Variants in PACSIN1 observed in about 807,000 individuals in gnomAD.
PACSIN1 encodes the protein protein kinase C and casein kinase substrate in neurons protein 1.
PACSIN1 carries 15 observed loss-of-function variants against 59.5 expected under a neutral mutation model. That is an observed-to-expected ratio of 0.25 (90% CI 0.17 to 0.39). PACSIN1 has a LOEUF of 0.39. Ranked by LOEUF, PACSIN1 falls within the 10% of genes least tolerant of loss-of-function variation. The pLI, the probability that PACSIN1 is intolerant of heterozygous loss-of-function variation, is 1.00. For missense variants in PACSIN1, 420 were observed against 580.2 expected, an observed-to-expected ratio of 0.72 and a Z score of 2.84; for synonymous variants, 210 against 220.6, an observed-to-expected ratio of 0.95 and a Z score of 0.42.
At position 34,526,333 on chromosome 6, in the gene PACSIN1, C is replaced by G; in HGVS notation, c.28C>G (p.Leu10Val). Reference sequence around the variant, plus strand: ...GTCCAGCTCCTACGATGAGGCCTCACTGGCGCCAGAGGAGACCACCGACAG... The same window carrying G: ...GTCCAGCTCCTACGATGAGGCCTCAGTGGCGCCAGAGGAGACCACCGACAG... MSSSYDEAS[L>V]APEETTDSFW... Residue 10 changes from leucine (L) to valine (V), a missense_variant, in exon 2 of 10, where the codon CTG becomes GTG. Physicochemically the swap from Leu to Val is conservative, Grantham distance 32. Coordinates refer to ENST00000244458, the MANE Select transcript of PACSIN1 (RefSeq NM_020804.5). 3 of 1,612,354 alleles carry G rather than the reference C, an allele frequency of 1.9e-6. No individual in the cohort carries two copies. The highest frequency in any genetic ancestry group is 2.5e-6 in the Non-Finnish European group (3 of 1,179,912).
intron 1 of PACSIN1, among the ~76,000 whole-genome samples, chr6:34,524,897 C>T (rs556370922): frequency 3.2e-4 from 48 of 152,376 alleles, no homozygotes; most frequent in Admixed American, 4.6e-4. Context: ...TGCCCGCCCC[C>T]CAGCAGCCCC....
chr6:34,496,927 C>G (rs1359692242), intron 1 of PACSIN1, among the ~76,000 whole-genome samples: 2 of 138,690 alleles, frequency 1.4e-5, no homozygotes, highest in Non-Finnish European at 3.0e-5. Flanking sequence ...ATATGCATCT[C>G]TTTCTCTCTC....
chr6:34,520,028 G>T (rs1028612670), intron 1 of PACSIN1, among the ~76,000 whole-genome samples: 11 of 152,134 alleles, frequency 7.2e-5, no homozygotes, highest in African/African-American at 2.7e-4. Flanking sequence ...AGACTTCTTG[G>T]AGGGACAGGG....
chr6:34,468,452 C>T (rs1766527422), intron 1 of PACSIN1, among the ~76,000 whole-genome samples: 1 of 152,202 alleles, frequency 6.6e-6, no homozygotes, highest in Non-Finnish European at 1.5e-5. Context: ...CACAATGGCT[C>T]GCATTGCTAT....
chr6:34,483,740 G>C (rs1295602562), intron 1 of PACSIN1, among the ~76,000 whole-genome samples: 1 of 145,262 alleles, frequency 6.9e-6, no homozygotes, highest in African/African-American at 2.6e-5. Context: ...CCGCCTCCCG[G>C]GTTCACATGA....
intron 1 of PACSIN1, among the ~76,000 whole-genome samples, chr6:34,503,124 C>T (rs967707791): frequency 1.1e-4 from 16 of 152,088 alleles, no homozygotes; most frequent in African/African-American, 3.6e-4. Flanking sequence ...AAAAATTAGC[C>T]CGGCATGGTG....
Position 34,529,263 on chromosome 6 carries a change from C to T in PACSIN1, c.457-134C>T. The T allele has an allele frequency of 1.1e-6, 1 of 912,934 alleles. No individual in the cohort carries two copies. The highest frequency in any genetic ancestry group is 1.7e-5 in the African/African-American group (1 of 59,990). 56.6% of individuals were successfully genotyped at this position (912,934 alleles called of 1,614,324 possible). A position where few individuals can be genotyped will look rare whatever the true frequency, so the allele number is the denominator to read the frequency against. On this transcript the variant is annotated intron_variant, in intron 4 of 9. Transcript: ENST00000244458. The surrounding 1 kb of genome is among the most constrained non-coding windows in gnomAD (Gnocchi z 6.3). ...TGCTCCCGAACACCTGGAGCCAGGG[C>T]CTGCATCCCTTCTGGCTCTTAAGAG...
rs1224408869 is a variant in PACSIN1 at position 34,530,500 on chromosome 6, A to T, written c.950A>T (p.Glu317Val). Residue 317 changes from glutamate to valine, a missense_variant, in exon 8 of 10, where the codon GAG (glutamate) becomes GTG (valine). Glu to Val is a moderately radical substitution (Grantham distance 121, BLOSUM62 -2). Transcript: ENST00000244458. This position sits in a 1 kb window ranked among gnomAD's most constrained non-coding sequence, Gnocchi z 4.4. Reference sequence around the variant, plus strand: ...CTTCCTCACACCACCACCAAGAAGGAGAAACAGCCTAAGAAGGCAGAGGGA... The same window carrying T: ...CTTCCTCACACCACCACCAAGAAGGTGAAACAGCCTAAGAAGGCAGAGGGA... The part of the protein sequence containing the change: ...PDLPHTTTKK[E>V]KQPKKAEGVA... 1 of 1,608,890 alleles carries T rather than the reference A, an allele frequency of 6.2e-7. No individual in the cohort carries two copies. Among genetic ancestry groups the T allele is most frequent in the Admixed American group, 1.7e-5 (1 of 58,840 alleles).
In PACSIN1 at chr6:34,488,779, T is replaced by C. The variant is rs1223748624; in HGVS notation, c.-64+22509T>C. 6.6e-6 allele frequency among the ~76,000 whole-genome samples: 1 copy of C among 152,180 alleles called. No individual in the cohort carries two copies. Among genetic ancestry groups the C allele is most frequent in the East Asian group, 1.9e-4 (1 of 5,194 alleles). ...ATTGATTTGTTGCCCAGGCTGGTCT[T>C]GAGCTCCTGGGCTCAAGCAATCCTC... On this transcript the variant is annotated intron_variant, in intron 1 of 9. Coordinates refer to ENST00000244458, the MANE Select transcript of PACSIN1 (RefSeq NM_020804.5). This position sits in a 1 kb window ranked among gnomAD's most constrained non-coding sequence, Gnocchi z 4.7.
intron 1 of PACSIN1, among the ~76,000 whole-genome samples, chr6:34,505,119 CA>C (rs1465821940): frequency 6.6e-6 from 1 of 152,030 alleles, no homozygotes; most frequent in Non-Finnish European, 1.5e-5. Context: ...CTCAGCCTCC[CA>C]AATAGTCAGG....
rs1409904988 is a variant in PACSIN1 at position 34,515,711 on chromosome 6, C to A, written c.-63-10532C>A. Among the ~76,000 whole-genome samples, 5 of 152,326 alleles carry A rather than the reference C, an allele frequency of 3.3e-5. No homozygotes were observed. The East Asian group carries it at 7.7e-4, about 24-fold the overall frequency. ...AAAGGACCCCCATGCCCATCCCCAGCAAGCCCAGGGTCTCCAAGTTGGGGT... is the reference window on the plus strand; with the variant it reads ...AAAGGACCCCCATGCCCATCCCCAGAAAGCCCAGGGTCTCCAAGTTGGGGT... On this transcript the variant is annotated intron_variant, in intron 1 of 9. Coordinates refer to ENST00000244458, the MANE Select transcript of PACSIN1 (RefSeq NM_020804.5). This position sits in a 1 kb window ranked among gnomAD's most constrained non-coding sequence, Gnocchi z 4.4.
chr6:34,527,181 C>CGGGGCGGGGGGCG lies in PACSIN1; in HGVS notation c.64-140_64-128dup, dbSNP rs971772179. 1.0e-5 allele frequency: 7 copies of CGGGGCGGGGGGCG among 672,534 alleles called. No homozygotes were observed. The African/African-American group carries it at 4.1e-4, about 39-fold the overall frequency. 41.7% of individuals were successfully genotyped at this position (672,534 alleles called of 1,614,324 possible). Reference sequence around the variant, plus strand: ...TCCCTGGGGTGTTGCCGCTGCGCCGCGGGGCGGGGGGCGGGGGCGGGGGCG... The same window carrying CGGGGCGGGGGGCG: ...TCCCTGGGGTGTTGCCGCTGCGCCGCGGGGCGGGGGGCGGGGGCGGGGGGCGGGGGCGGGGGCG... On this transcript the variant is annotated intron_variant, in intron 2 of 9. Coordinates refer to ENST00000244458, the MANE Select transcript of PACSIN1 (RefSeq NM_020804.5).
At chr6:34,469,114 G>A (rs1766536813) in intron 1 of PACSIN1, among the ~76,000 whole-genome samples, 1 of 151,752 alleles carries the variant, frequency 6.6e-6, no homozygotes, top group Admixed American at 6.6e-5. Flanking sequence ...GAGGGGTGGG[G>A]GCATTCACTG....
At chr6:34,495,548 G>A (rs1766935630) in intron 1 of PACSIN1, among the ~76,000 whole-genome samples, 1 of 151,890 alleles carries the variant, frequency 6.6e-6, no homozygotes, top group Non-Finnish European at 1.5e-5. Flanking sequence ...CACCTCCCGG[G>A]TTCAAGTAAT....
In PACSIN1 at chr6:34,515,976, A is replaced by C. The variant is rs1229475832; in HGVS notation, c.-63-10267A>C. Among the ~76,000 whole-genome samples, 2 of 151,840 alleles carry C rather than the reference A, an allele frequency of 1.3e-5. No individual in the cohort carries two copies. The highest frequency in any genetic ancestry group is 1.3e-4 in the Admixed American group (2 of 15,268). On this transcript the variant is annotated intron_variant, in intron 1 of 9. Coordinates refer to ENST00000244458, the MANE Select transcript of PACSIN1 (RefSeq NM_020804.5). This position sits in a 1 kb window ranked among gnomAD's most constrained non-coding sequence, Gnocchi z 4.4. ...GAGGGGGCTGGAGGGGGCCCACAGGAGTTCACGGTGGGGCACACCTGGTCC... is the reference window on the plus strand; with the variant it reads ...GAGGGGGCTGGAGGGGGCCCACAGGCGTTCACGGTGGGGCACACCTGGTCC...
rs572873012 is a variant in PACSIN1, at chr6:34,470,420, C to A, written c.-64+4150C>A. On this transcript the variant is annotated intron_variant, in intron 1 of 9. Transcript: ENST00000244458. Reference sequence around the variant, plus strand: ...GGTCTTGAACTCCTGACCTCGTGATCCACCCGCCTCGGCCTCCCAAAGTGC... The same window carrying A: ...GGTCTTGAACTCCTGACCTCGTGATACACCCGCCTCGGCCTCCCAAAGTGC... Among the ~76,000 whole-genome samples, 427 of 152,122 alleles carry A rather than the reference C, an allele frequency of 2.8e-3. 4 individuals are homozygous for A. The highest frequency in any genetic ancestry group is 9.7e-3 in the African/African-American group (404 of 41,508).
intron 1 of PACSIN1, among the ~76,000 whole-genome samples, chr6:34,467,854 G>A (rs777423371): frequency 6.6e-5 from 10 of 152,150 alleles, no homozygotes; most frequent in Admixed American, 5.9e-4. Flanking sequence ...CATCATGCCC[G>A]GCTAGGCCCT....
Position 34,528,803 on chromosome 6 carries a change from G to A in PACSIN1, c.382G>A (p.Gly128Ser). ...KDAYHKQIMG[G>S]FKETKEAEDG... ...CGCCTATCACAAGCAGATCATGGGT[G>A]GCTTCAAGGAGACGAAGGAGGCTGA... Residue 128 changes from glycine (G) to serine (S), a missense_variant, in exon 4 of 10, where the codon GGC becomes AGC. By Grantham distance (56) the Gly-to-Ser change is moderately conservative (BLOSUM62 0). Coordinates refer to ENST00000244458, the MANE Select transcript of PACSIN1 (RefSeq NM_020804.5). 1 of 1,613,862 alleles carries A rather than the reference G, an allele frequency of 6.2e-7. No individual in the cohort carries two copies. Among genetic ancestry groups the A allele is most frequent in the Non-Finnish European group, 8.5e-7 (1 of 1,179,990 alleles).
At chr6:34,519,631 T>C (rs1048997902) in intron 1 of PACSIN1, among the ~76,000 whole-genome samples, 2 of 152,060 alleles carry the variant, frequency 1.3e-5, no homozygotes, top group Admixed American at 6.5e-5. Flanking sequence ...TTAACACCCA[T>C]AATACTGCAG....
Sources: allele counts gnomAD v4.1 joint callset (sites outside exome capture counted in the v4.1 genomes callset), GRCh38; gene constraint gnomAD v4.1.1; non-coding constraint Gnocchi (gnomAD v3.1); transcripts MANE v1.5; gene names NCBI Gene and HGNC (gene_info 2026-07-23, HGNC 2026-07-21).